Variants in CCSER1 observed in about 807,000 individuals in gnomAD.
The protein encoded by CCSER1 is serine-rich coiled-coil domain-containing protein 1.
In CCSER1, 41 loss-of-function variants were observed where a neutral mutation model predicts 82.0. That is an observed-to-expected ratio of 0.50 (90% CI 0.39 to 0.65). The LOEUF (loss-of-function observed/expected upper bound fraction) is 0.65, where lower values mean the gene tolerates loss of function less well. CCSER1 is among the 30% of genes least tolerant of loss of function. CCSER1 has a pLI of 0.00. For synonymous variants in CCSER1, 414 were observed against 383.9 expected (o/e 1.08, Z -0.92); for missense variants, 1,119 against 1,064.2 (o/e 1.05, Z -0.72).
intron 10 of CCSER1, among the ~76,000 whole-genome samples, chr4:91,413,598 C>T (rs1055137857): frequency 6.6e-6 from 1 of 151,810 alleles, no homozygotes; most frequent in South Asian, 2.1e-4. Context: ...TAAGAGCATC[C>T]TAGAAGGAGA....
At chr4:90,724,100 G>A (rs1743208290) in intron 7 of CCSER1, 109 bp downstream of exon 7, 1 of 596,256 alleles carries the variant, frequency 1.7e-6, no homozygotes, top group African/African-American at 2.0e-5. Context: ...AATCTTCAAG[G>A]GTCTGATTTC....
chr4:90,480,381 AT>A (rs1478057872), intron 5 of CCSER1, among the ~76,000 whole-genome samples: 1 of 152,272 alleles, frequency 6.6e-6, no homozygotes, highest in East Asian at 1.9e-4. Context: ...CTTTAGCTTA[AT>A]TAGATCCCAT....
At chr4:90,348,332 T>C (rs72881666) in intron 3 of CCSER1, among the ~76,000 whole-genome samples, 2,924 of 152,322 alleles carry the variant, frequency 0.019, 70 homozygotes, top group African/African-American at 0.06. Flanking sequence ...TCATAAAATA[T>C]TTCAGTATTT....
intron 4 of CCSER1, among the ~76,000 whole-genome samples, chr4:90,442,579 T>C (rs1289828942): frequency 1.3e-5 from 2 of 152,112 alleles, no homozygotes; most frequent in African/African-American, 4.8e-5. Flanking sequence ...TTGGAGAACT[T>C]GATTAGGTTG....
chr4:90,242,184 G>C (rs1746985883), intron 1 of CCSER1, among the ~76,000 whole-genome samples: 2 of 152,330 alleles, frequency 1.3e-5, no homozygotes, highest in South Asian at 4.1e-4. Context: ...GTGCATGCCT[G>C]TAATCCCAGT....
intron 10 of CCSER1, among the ~76,000 whole-genome samples, chr4:91,224,888 C>A (rs1390787516): frequency 6.6e-6 from 1 of 151,388 alleles, no homozygotes; most frequent in African/African-American, 2.4e-5. Context: ...TGTTGACTCA[C>A]AGGGATTAAG....
intron 10 of CCSER1, among the ~76,000 whole-genome samples, chr4:91,253,462 C>T (rs1161915078): frequency 6.6e-6 from 1 of 151,892 alleles, no homozygotes; most frequent in East Asian, 1.9e-4. Context: ...CTGCACTGTT[C>T]GTGGGTAAAA....
chr4:91,268,414 TA>T lies in CCSER1; in HGVS notation c.2217+182421del, dbSNP rs575248653. 3.3e-5 allele frequency among the ~76,000 whole-genome samples: 5 copies of T among 152,324 alleles called. No homozygotes were observed. The East Asian group carries it at 9.7e-4, about 29-fold the overall frequency. On this transcript the variant is annotated intron_variant, in intron 10 of 10. Coordinates refer to ENST00000509176, the MANE Select transcript of CCSER1 (RefSeq NM_001145065.2). ...AAAGGAAATTATCTCACAAATCTGT[TA>T]TTTTTTTCTTTATTCATTTCATGTA...
intron 7 of CCSER1, among the ~76,000 whole-genome samples, chr4:90,812,429 T>A (rs1365203840): frequency 6.6e-6 from 1 of 152,188 alleles, no homozygotes; most frequent in East Asian, 1.9e-4. Context: ...GTGGATATAT[T>A]GTGTACATTG....
At chr4:90,294,623 A>G (rs889022311) in intron 1 of CCSER1, among the ~76,000 whole-genome samples, 3 of 151,936 alleles carry the variant, frequency 2.0e-5, no homozygotes, top group Admixed American at 6.6e-5. Context: ...TTACATGCGT[A>G]TTTCTATATC....
chr4:90,919,140 T>C (rs1234033460), intron 8 of CCSER1, among the ~76,000 whole-genome samples: 1 of 113,514 alleles, frequency 8.8e-6, no homozygotes, highest in African/African-American at 3.1e-5. Context: ...TGCAAGAAAA[T>C]ATAGACAAGG....
intron 7 of CCSER1, among the ~76,000 whole-genome samples, chr4:90,761,166 A>G (rs759129286): frequency 6.6e-6 from 1 of 152,080 alleles, no homozygotes; most frequent in East Asian, 1.9e-4. Context: ...GTTACTAACT[A>G]TGGTTTGATT....
intron 10 of CCSER1, among the ~76,000 whole-genome samples, chr4:91,233,947 G>T (rs1738814999): frequency 6.6e-6 from 1 of 151,940 alleles, no homozygotes; most frequent in African/African-American, 2.4e-5. Flanking sequence ...TGCATTTTGG[G>T]TTTATCATTT....
intron 4 of CCSER1, among the ~76,000 whole-genome samples, chr4:90,408,306 T>A (rs1046383873): frequency 6.6e-6 from 1 of 152,166 alleles, no homozygotes; most frequent in Non-Finnish European, 1.5e-5. Context: ...AGCACGCAGC[T>A]TGAGATCTGA....
chr4:90,587,277 A>G (rs1782129772), intron 5 of CCSER1, among the ~76,000 whole-genome samples: 1 of 152,220 alleles, frequency 6.6e-6, no homozygotes. Context: ...ATTTTAAACC[A>G]CTAAATTTGT....
chr4:91,236,336 A>C (rs1248388465), intron 10 of CCSER1, among the ~76,000 whole-genome samples: 1 of 152,068 alleles, frequency 6.6e-6, no homozygotes, highest in African/African-American at 2.4e-5. Context: ...AAATACAAAA[A>C]TTAGCTGGGT....
intron 10 of CCSER1, among the ~76,000 whole-genome samples, chr4:91,536,426 C>T (rs185299749): frequency 2.0e-4 from 30 of 152,148 alleles, no homozygotes; most frequent in African/African-American, 7.0e-4. Context: ...GAGTTGGATT[C>T]TATCTGTTTG....
intron 10 of CCSER1, among the ~76,000 whole-genome samples, chr4:91,156,046 T>C (rs949759158): frequency 1.3e-5 from 2 of 151,756 alleles, no homozygotes; most frequent in African/African-American, 4.8e-5. Flanking sequence ...CATGGATGAG[T>C]GAATGTAATA....
At chr4:90,348,293 G>A (rs112923663) in intron 3 of CCSER1, among the ~76,000 whole-genome samples, 1 of 152,034 alleles carries the variant, frequency 6.6e-6, no homozygotes, top group African/African-American at 2.4e-5. Context: ...AGGTATCAAT[G>A]TTATTCTAAA....
Sources: allele counts gnomAD v4.1 joint callset (sites outside exome capture counted in the v4.1 genomes callset), GRCh38; gene constraint gnomAD v4.1.1; transcripts MANE v1.5; gene names NCBI Gene and HGNC (gene_info 2026-07-23, HGNC 2026-07-21).